The following RALYL variants were observed in gnomAD, a reference collection of about 807,000 sequenced individuals.
RALYL encodes RALY RNA binding protein like.
A neutral mutation model predicts 35.1 loss-of-function variants in RALYL; 29 were observed. The ratio of observed to expected loss-of-function variants is 0.83; its 90% CI spans 0.61 to 1.13. The LOEUF is 1.13. Among genes scored for constraint, RALYL ranks in the 50% most tolerant of loss-of-function variants. The pLI is 0.00. For missense variants in RALYL, 359 were observed against 360.4 expected (o/e 1.00, Z 0.03); for synonymous variants, 120 against 127.6 (o/e 0.94, Z 0.40).
chr8:84,693,407 C>G (rs1235685015), intron 2 of RALYL, among the ~76,000 whole-genome samples: 1 of 151,902 alleles, frequency 6.6e-6, no homozygotes, highest in Non-Finnish European at 1.5e-5. Flanking sequence ...ATAAAACCAA[C>G]AGATCTCATG....
chr8:84,248,958 A>C (rs1217349576), intron 1 of RALYL, among the ~76,000 whole-genome samples: 3 of 152,098 alleles, frequency 2.0e-5, no homozygotes, highest in Admixed American at 6.6e-5. Flanking sequence ...AAAAAGAAAG[A>C]AATATCACTT....
rs542532248 is a variant in RALYL, at chr8:84,670,515, G to A, written c.257-104064G>A. On this transcript the variant is annotated intron_variant, in intron 2 of 8. Transcript: ENST00000521268. ...TGGCTATGAAGAAATACCCAAGGCTGTGTAATTTATAAAGAAAAAGAGGTT... is the reference window on the plus strand; with the variant it reads ...TGGCTATGAAGAAATACCCAAGGCTATGTAATTTATAAAGAAAAAGAGGTT... Among the ~76,000 whole-genome samples the A allele has an allele frequency of 5.3e-5, 8 of 152,318 alleles. No homozygotes were observed. In the South Asian group the frequency reaches 8.3e-4, roughly 16 times the overall value.
chr8:84,808,632 A>C (rs533277342), intron 4 of RALYL, among the ~76,000 whole-genome samples: 1 of 152,328 alleles, frequency 6.6e-6, no homozygotes, highest in East Asian at 1.9e-4. Flanking sequence ...CTACCCATCC[A>C]TGAACATGGC....
rs747909919 is a variant in RALYL, at chr8:84,920,948, G to A, written c.*37G>A. The A allele has an allele frequency of 2.7e-5, 36 of 1,357,624 alleles. No individual in the cohort carries two copies. The highest frequency in any genetic ancestry group is 3.5e-5 in the Non-Finnish European group (35 of 1,008,142). 84.1% of individuals were successfully genotyped at this position (1,357,624 alleles called of 1,614,324 possible). A position where few individuals can be genotyped will look rare whatever the true frequency, so the allele number is the denominator to read the frequency against. Reference sequence around the variant, plus strand: ...GCATGATGCCACAAAGCAGAAAAGAGAAACTGTGACAACCCCCAGAAATGT... The same window carrying A: ...GCATGATGCCACAAAGCAGAAAAGAAAAACTGTGACAACCCCCAGAAATGT... On this transcript the variant is annotated 3_prime_UTR_variant, in exon 9 of 9. Transcript: ENST00000521268.
chr8:84,290,049 G>A (rs900384172), intron 1 of RALYL, among the ~76,000 whole-genome samples: 5 of 152,160 alleles, frequency 3.3e-5, no homozygotes, highest in Non-Finnish European at 7.4e-5. Flanking sequence ...AATATTAGAC[G>A]CTGATACCAC....
chr8:84,318,756 G>A (rs1347373145), intron 1 of RALYL, among the ~76,000 whole-genome samples: 1 of 152,098 alleles, frequency 6.6e-6, no homozygotes. Context: ...TTGAGAGTAG[G>A]ACAAATGTAG....
chr8:84,624,443 G>A (rs769030903), intron 2 of RALYL, among the ~76,000 whole-genome samples: 20 of 152,090 alleles, frequency 1.3e-4, no homozygotes, highest in African/African-American at 1.9e-4. Flanking sequence ...ATTCCTTGGC[G>A]CATGGCCCCC....
intron 1 of RALYL, among the ~76,000 whole-genome samples, chr8:84,522,877 C>T (rs1029699647): frequency 1.3e-5 from 2 of 152,094 alleles, no homozygotes; most frequent in South Asian, 2.1e-4. Context: ...ATTCCATTCT[C>T]ATGCTGCTAA....
chr8:84,264,820 T>C (rs1340816230), intron 1 of RALYL, among the ~76,000 whole-genome samples: 1 of 152,222 alleles, frequency 6.6e-6, no homozygotes, highest in Non-Finnish European at 1.5e-5. Context: ...AGTAGTTTCT[T>C]TAACAAAACC....
Position 84,830,101 on chromosome 8 carries a change from A to G in RALYL, c.366-19879A>G, listed in dbSNP as rs138767265. ...AATGAGGCACTAAATAGATCATAAC[A>G]TAGATGCTTATTTGCAGTATGAACT... On this transcript the variant is annotated intron_variant, in intron 4 of 8. Transcript: ENST00000521268. Among the ~76,000 whole-genome samples, 818 of 151,916 alleles carry G rather than the reference A, an allele frequency of 5.4e-3. 6 individuals carry two copies. The highest frequency in any genetic ancestry group is 7.3e-3 in the Non-Finnish European group (497 of 67,970).
At chr8:84,405,474 A>T (rs2043376881) in intron 1 of RALYL, among the ~76,000 whole-genome samples, 1 of 152,174 alleles carries the variant, frequency 6.6e-6, no homozygotes, top group Non-Finnish European at 1.5e-5. Flanking sequence ...AGACTAATAA[A>T]GAAGAAAAGA....
intron 4 of RALYL, among the ~76,000 whole-genome samples, chr8:84,843,705 T>C (rs1439367073): frequency 3.9e-5 from 6 of 152,192 alleles, no homozygotes; most frequent in Non-Finnish European, 5.9e-5. Context: ...TCACACTACC[T>C]GACTTCAAAC....
intron 1 of RALYL, among the ~76,000 whole-genome samples, chr8:84,369,689 T>C (rs1048607100): frequency 6.6e-6 from 1 of 152,142 alleles, no homozygotes; most frequent in African/African-American, 2.4e-5. Flanking sequence ...GAATTACTTA[T>C]TCTGAAAGAA....
intron 1 of RALYL, among the ~76,000 whole-genome samples, chr8:84,401,376 A>T (rs367892584): frequency 6.6e-6 from 1 of 152,072 alleles, no homozygotes; most frequent in East Asian, 1.9e-4. Context: ...GATGGCTCAC[A>T]CCTGTAATCC....
In RALYL at chr8:84,816,664, A is replaced by G. The variant is rs529287360; in HGVS notation, c.365+11862A>G. Among the ~76,000 whole-genome samples the G allele has an allele frequency of 5.9e-5, 9 of 152,308 alleles. No homozygotes were observed. The South Asian group carries it at 1.9e-3, about 32-fold the overall frequency. On this transcript the variant is annotated intron_variant, in intron 4 of 8. Transcript: ENST00000521268. ...GGGGGTATGGTTAATGGATACAAAA[A>G]AAATTAGAAAGAATGAATAAGACCT...
At chr8:84,712,406 C>T (rs1842327650) in intron 2 of RALYL, among the ~76,000 whole-genome samples, 1 of 152,100 alleles carries the variant, frequency 6.6e-6, no homozygotes, top group African/African-American at 2.4e-5. Context: ...TTACAGGCTC[C>T]AGCCTGTGAC....
chr8:84,736,909 T>C (rs935798961), intron 2 of RALYL, among the ~76,000 whole-genome samples: 9 of 152,096 alleles, frequency 5.9e-5, no homozygotes, highest in Admixed American at 5.9e-4. Flanking sequence ...TCATTGTGTT[T>C]TCTTTTCCTA....
intron 1 of RALYL, among the ~76,000 whole-genome samples, chr8:84,351,889 T>C (rs1354819698): frequency 2.0e-5 from 3 of 150,388 alleles, no homozygotes; most frequent in Non-Finnish European, 4.4e-5. Context: ...AAGAAGCAAA[T>C]GAATTAAGTT....
At chr8:84,799,878 C>T (rs1822834200) in intron 3 of RALYL, among the ~76,000 whole-genome samples, 1 of 152,134 alleles carries the variant, frequency 6.6e-6, no homozygotes, top group African/African-American at 2.4e-5. Context: ...ATGGCGTGAA[C>T]CCGGAAGGTG....
Sources: allele counts gnomAD v4.1 joint callset (sites outside exome capture counted in the v4.1 genomes callset), GRCh38; gene constraint gnomAD v4.1.1; transcripts MANE v1.5; gene names NCBI Gene and HGNC (gene_info 2026-07-23, HGNC 2026-07-21).